The following GSG1L variants were observed in gnomAD, a reference collection of about 807,000 sequenced individuals.
GSG1L encodes the protein germ cell-specific gene 1-like protein.
A neutral mutation model predicts 42.1 loss-of-function variants in GSG1L; 24 were observed. The observed-to-expected ratio is 0.57, with a 90% CI of 0.41 to 0.80. The LOEUF (loss-of-function observed/expected upper bound fraction) is 0.80. Ranked by LOEUF, GSG1L falls within the 30% of genes least tolerant of loss-of-function variation. The probability of loss-of-function intolerance (pLI) is 0.00; values close to 1 mark genes in which losing one functional copy is unlikely to be tolerated. For synonymous variants in GSG1L, 215 were observed against 203.5 expected, an observed-to-expected ratio of 1.06 and a Z score of -0.48; for missense variants, 445 against 472.2, an observed-to-expected ratio of 0.94 and a Z score of 0.53.
chr16:28,029,586 T>C (rs138314716), intron 1 of GSG1L, among the ~76,000 whole-genome samples: 3,572 of 151,938 alleles, frequency 0.024, 126 homozygotes, highest in African/African-American at 0.081. Context: ...GATGGATGCA[T>C]GGGTGGATGG....
At position 27,868,130 on chromosome 16, in the gene GSG1L, G is replaced by A. The variant is rs180713580; in HGVS notation, c.550+16356C>T. On this transcript the variant is annotated intron_variant, in intron 3 of 6. Transcript: ENST00000447459. ...CCAGGCTCATTTGTATGAAAGGCCT[G>A]ATGGCCTGCAGACTCCCCCAGCCCA... Among the ~76,000 whole-genome samples, 50 of 152,372 alleles carry A rather than the reference G, an allele frequency of 3.3e-4. 2 individuals are homozygous for A. Among genetic ancestry groups the A allele is most frequent in the Non-Finnish European group, 5.9e-5 (4 of 68,040 alleles).
At chr16:28,014,030 G>A (rs1292436995) in intron 1 of GSG1L, among the ~76,000 whole-genome samples, 3 of 152,204 alleles carry the variant, frequency 2.0e-5, no homozygotes, top group East Asian at 1.9e-4. Context: ...CCAGGACTAC[G>A]ACCTAAGAGA....
chr16:27,986,284 G>A (rs1366991416), intron 1 of GSG1L, among the ~76,000 whole-genome samples: 2 of 152,130 alleles, frequency 1.3e-5, no homozygotes, highest in Non-Finnish European at 2.9e-5. Context: ...CAGATCTCTT[G>A]AGGCCAGGAG....
chr16:27,904,985 GC>G (rs1276216926), intron 2 of GSG1L, among the ~76,000 whole-genome samples: 1 of 152,160 alleles, frequency 6.6e-6, no homozygotes, highest in African/African-American at 2.4e-5. Flanking sequence ...TTCCAAAGAA[GC>G]CAGAAATCTT....
intron 3 of GSG1L, among the ~76,000 whole-genome samples, chr16:27,856,377 G>A (rs534137826): frequency 2.0e-5 from 3 of 152,246 alleles, no homozygotes; most frequent in South Asian, 4.2e-4. Flanking sequence ...GTAGTGGTGC[G>A]ATCATAGCTC....
intron 2 of GSG1L, among the ~76,000 whole-genome samples, chr16:27,934,624 A>G (rs1293289271): frequency 6.6e-6 from 1 of 152,122 alleles, no homozygotes; most frequent in Non-Finnish European, 1.5e-5. Flanking sequence ...GAGAGTGGAG[A>G]AGTTGAAGAG....
At chr16:27,978,381 G>A (rs1476615880) in intron 1 of GSG1L, among the ~76,000 whole-genome samples, 3 of 152,152 alleles carry the variant, frequency 2.0e-5, no homozygotes, top group Non-Finnish European at 2.9e-5. Flanking sequence ...CTGGCTTCCC[G>A]CAGACCTGAA....
chr16:28,007,529 T>C (rs940731392), intron 1 of GSG1L, among the ~76,000 whole-genome samples: 19 of 151,642 alleles, frequency 1.3e-4, no homozygotes, highest in Non-Finnish European at 2.2e-4. Context: ...TTGGTTGGTT[T>C]TGAGACAGGA....
At chr16:27,794,334 C>CTT (rs111671722) in intron 6 of GSG1L, among the ~76,000 whole-genome samples, 4 of 142,494 alleles carry the variant, frequency 2.8e-5, no homozygotes, top group African/African-American at 7.7e-5. Context: ...TCAAAACTTT[C>CTT]TTTTTTTTTT....
chr16:27,952,499 C>T (rs2084960738), intron 2 of GSG1L, among the ~76,000 whole-genome samples: 1 of 152,194 alleles, frequency 6.6e-6, no homozygotes, highest in Non-Finnish European at 1.5e-5. Context: ...CATGCAAAGG[C>T]ACAGAGGCAT....
At chr16:28,011,803 G>A (rs1464902636) in intron 1 of GSG1L, among the ~76,000 whole-genome samples, 2 of 152,172 alleles carry the variant, frequency 1.3e-5, no homozygotes, top group East Asian at 1.9e-4. Context: ...ATGTGACAGA[G>A]GACAGAAAGC....
chr16:27,900,245 G>A (rs1055824140), intron 2 of GSG1L, among the ~76,000 whole-genome samples: 1 of 152,198 alleles, frequency 6.6e-6, no homozygotes, highest in South Asian at 2.1e-4. Context: ...CAGCACCCAC[G>A]GAGGGCCAAG....
At chr16:27,952,049 A>G (rs1383389977) in intron 2 of GSG1L, among the ~76,000 whole-genome samples, 1 of 152,218 alleles carries the variant, frequency 6.6e-6, no homozygotes, top group Non-Finnish European at 1.5e-5. Flanking sequence ...AAACAGGAGC[A>G]GGGAGCAGGG....
intron 1 of GSG1L, among the ~76,000 whole-genome samples, chr16:27,975,099 C>T (rs1481050588): frequency 6.6e-6 from 1 of 152,070 alleles, no homozygotes; most frequent in Non-Finnish European, 1.5e-5. Context: ...TCGGTCTTTC[C>T]AACATGTTCC....
chr16:28,002,789 T>C (rs62031273), intron 1 of GSG1L, among the ~76,000 whole-genome samples: 1 of 150,280 alleles, frequency 6.7e-6, no homozygotes, highest in Non-Finnish European at 1.5e-5. Flanking sequence ...AAAAAAAAAT[T>C]AGCCAGGAGT....
At chr16:27,973,622 G>A (rs11866741) in intron 1 of GSG1L, among the ~76,000 whole-genome samples, 22,078 of 152,008 alleles carry the variant, frequency 0.15, 1,807 homozygotes, top group South Asian at 0.26. Flanking sequence ...AGGGGGTCAC[G>A]CACTGGTTCA....
chr16:27,849,198 AAAAAG>A (rs1392030302), intron 3 of GSG1L, among the ~76,000 whole-genome samples: 898 of 52,208 alleles, frequency 0.017, 14 homozygotes, highest in African/African-American at 0.063. Flanking sequence ...CCTCTATCCC[AAAAAG>A]AAAAAAAAAA....
At chr16:27,904,508 A>T (rs2084297598) in intron 2 of GSG1L, among the ~76,000 whole-genome samples, 1 of 152,078 alleles carries the variant, frequency 6.6e-6, no homozygotes, top group African/African-American at 2.4e-5. Flanking sequence ...ACCATTCAGC[A>T]GCCAAAAGGA....
At chr16:27,971,387 T>C (rs1326154661) in intron 1 of GSG1L, among the ~76,000 whole-genome samples, 1 of 150,796 alleles carries the variant, frequency 6.6e-6, no homozygotes, top group East Asian at 1.9e-4. Flanking sequence ...TATTCCTAAG[T>C]ATTTTATAAT....
Sources: allele counts gnomAD v4.1 joint callset (sites outside exome capture counted in the v4.1 genomes callset), GRCh38; gene constraint gnomAD v4.1.1; transcripts MANE v1.5; gene names NCBI Gene and HGNC (gene_info 2026-07-23, HGNC 2026-07-21).